Variants in SOX30 observed in about 807,000 individuals in gnomAD.
SOX30 encodes the protein transcription factor SOX-30.
A neutral mutation model predicts 58.6 loss-of-function variants in SOX30; 17 were observed. The observed-to-expected ratio is 0.29, with a 90% CI of 0.20 to 0.44. The LOEUF (loss-of-function observed/expected upper bound fraction) is 0.44. Among genes scored for constraint, SOX30 ranks in the 20% least tolerant of loss-of-function variants. The pLI is 1.00. For missense variants in SOX30, 951 were observed against 965.8 expected, an observed-to-expected ratio of 0.98 and a Z score of 0.20; for synonymous variants, 421 against 400.2, an observed-to-expected ratio of 1.05 and a Z score of -0.62.
intron 2 of SOX30, among the ~76,000 whole-genome samples, chr5:157,661,155 T>G (rs1275532852): frequency 6.6e-6 from 1 of 152,230 alleles, no homozygotes; most frequent in Non-Finnish European, 1.5e-5. Context: ...TGGCTGGAAC[T>G]TTTAGTCCAA....
intron 2 of SOX30, among the ~76,000 whole-genome samples, chr5:157,659,354 G>A (rs549913282): frequency 1.9e-4 from 29 of 152,248 alleles, no homozygotes; most frequent in East Asian, 1.7e-3. Flanking sequence ...ATCCTGTAAC[G>A]TCTTTCTGGT....
chr5:157,637,043 G>A (rs1005269903), intron 4 of SOX30, among the ~76,000 whole-genome samples: 2 of 146,738 alleles, frequency 1.4e-5, no homozygotes, highest in Non-Finnish European at 3.0e-5. Flanking sequence ...TGAGGCAGGA[G>A]AATCGCTTGA....
intron 4 of SOX30, among the ~76,000 whole-genome samples, chr5:157,634,756 T>C (rs890658112): frequency 6.6e-6 from 1 of 152,152 alleles, no homozygotes; most frequent in African/African-American, 2.4e-5. Flanking sequence ...CAAGCGATTC[T>C]CCTGCCTCAA....
upstream of SOX30, among the ~76,000 whole-genome samples, chr5:157,656,958 A>C (rs1352490316): frequency 1.6e-4 from 24 of 152,234 alleles, no homozygotes; most frequent in Admixed American, 1.6e-3. Context: ...AAAACCTGCT[A>C]TGATTTGCTC....
At chr5:157,640,500 C>T (rs934272617) in intron 3 of SOX30, among the ~76,000 whole-genome samples, 23 of 152,208 alleles carry the variant, frequency 1.5e-4, no homozygotes, top group African/African-American at 5.1e-4. Context: ...TCCATACATG[C>T]GCACTGACCA....
At chr5:157,667,418 G>A (rs968061846) in intron 2 of SOX30, among the ~76,000 whole-genome samples, 1 of 152,062 alleles carries the variant, frequency 6.6e-6, no homozygotes, top group African/African-American at 2.4e-5. Flanking sequence ...TACTGCTTTG[G>A]AGTACTTGGA....
chr5:157,652,101 A>C lies in SOX30; in HGVS notation c.-23T>G, dbSNP rs183997314. ...CATGGGGGAGGGGGACGCCCCGGCCAGGATTGTGAGCTCAGCCGTTTGTTG... is the reference window on the plus strand; with the variant it reads ...CATGGGGGAGGGGGACGCCCCGGCCCGGATTGTGAGCTCAGCCGTTTGTTG... On this transcript the variant is annotated 5_prime_UTR_variant, in exon 1 of 5. Coordinates refer to ENST00000265007, the MANE Select transcript of SOX30 (RefSeq NM_178424.2). The C allele has an allele frequency of 4.3e-6, 6 of 1,393,892 alleles. No individual in the cohort carries two copies. The highest frequency in any genetic ancestry group is 5.7e-5 in the East Asian group (2 of 35,328). 86.3% of individuals were successfully genotyped at this position (1,393,892 alleles called of 1,614,324 possible).
At chr5:157,662,322 A>G (rs1330710628) in intron 2 of SOX30, among the ~76,000 whole-genome samples, 1 of 151,610 alleles carries the variant, frequency 6.6e-6, no homozygotes, top group Non-Finnish European at 1.5e-5. Flanking sequence ...AATTTTCTCT[A>G]TTGTTTTGCT....
upstream of SOX30, among the ~76,000 whole-genome samples, chr5:157,655,279 G>C (rs1380458112): frequency 1.3e-5 from 2 of 152,288 alleles, no homozygotes; most frequent in East Asian, 3.9e-4. Flanking sequence ...ATACTTAGGA[G>C]ACTCCTGACT....
chr5:157,648,625 A>T, intron 2 of SOX30, 32 bp downstream of exon 2: 1 of 1,587,310 alleles, frequency 6.3e-7, no homozygotes, highest in African/African-American at 1.4e-5. Flanking sequence ...ATTCATTTAA[A>T]AGAAGTAAGA....
intron 3 of SOX30, among the ~76,000 whole-genome samples, chr5:157,641,727 G>A (rs1759067822): frequency 6.6e-6 from 1 of 152,130 alleles, no homozygotes; most frequent in Non-Finnish European, 1.5e-5. Flanking sequence ...TGACAGCAGA[G>A]ACTACAAAAA....
intron 4 of SOX30, among the ~76,000 whole-genome samples, chr5:157,633,843 A>G (rs1208707099): frequency 6.6e-6 from 1 of 152,196 alleles, no homozygotes; most frequent in East Asian, 1.9e-4. Flanking sequence ...TTGTCTTCAT[A>G]TCTTTTCTTT....
At position 157,659,223 on chromosome 5, in the gene SOX30, T is replaced by G. The variant is rs62387675; in HGVS notation, c.52+8575A>C. Among the ~76,000 whole-genome samples, 956 of 152,370 alleles carry G rather than the reference T, an allele frequency of 6.3e-3. 4 individuals are homozygous for G. The highest frequency in any genetic ancestry group is 0.014 in the Middle Eastern group (4 of 294). ...CTTTACTCTGTGGACTCATCCTGAA[T>G]TCTTTCTTGTGTGAGATCCAAGAAC... On this transcript the variant is annotated intron_variant, in intron 2 of 5. Coordinates refer to the SOX30 transcript ENST00000519442.
intron 3 of SOX30, among the ~76,000 whole-genome samples, chr5:157,641,849 G>A (rs1264318977): frequency 6.6e-6 from 1 of 152,126 alleles, no homozygotes; most frequent in East Asian, 1.9e-4. Context: ...AATTTACTCA[G>A]AAGATATCTG....
chr5:157,638,463 A>G lies in SOX30; in HGVS notation c.1647T>C (p.Ser549=), dbSNP rs765367264. The G allele has an allele frequency of 6.2e-7, 1 of 1,614,198 alleles. No individual in the cohort carries two copies. The highest frequency in any genetic ancestry group is 1.1e-5 in the South Asian group (1 of 91,082). The stretch of plus-strand genomic sequence containing the variant: ...CAAATCTGGCATGGGCAGTACTTGC[A>G]CTACTTGAAATCCTGTTGGCGCTCT... ...SLESANRISS[S]ASTAHARFAT... The change falls in exon 4 of 5, where the codon AGT becomes AGC. Residue 549 remains serine (S), a synonymous_variant. Coordinates refer to ENST00000265007, the MANE Select transcript of SOX30 (RefSeq NM_178424.2).
At position 157,638,541 on chromosome 5, in the gene SOX30, C is replaced by A; in HGVS notation, c.1569G>T (p.Gln523His). The A allele has an allele frequency of 1.2e-6, 2 of 1,614,156 alleles. No individual in the cohort carries two copies. Among genetic ancestry groups the A allele is most frequent in the South Asian group, 2.2e-5 (2 of 91,086 alleles). The change falls in exon 4 of 5, where the codon CAG (glutamine) becomes CAT (histidine). Residue 523 changes from glutamine (Q) to histidine (H), a missense_variant. By Grantham distance (24) the Gln-to-His change is conservative. This residue lies in a region of SOX30 where 381 missense variants were observed against 390.0 expected (regional missense o/e 0.98). Coordinates refer to ENST00000265007, the MANE Select transcript of SOX30 (RefSeq NM_178424.2). ...CAGTGTGAGTGGCTTCAGAATGCAG[C>A]TGATGAGTGTCTGTTTGGGAAGGCC... ...FTGPSQTDTHQLHSEATHTVK... is the reference protein window; with the variant it reads ...FTGPSQTDTHHLHSEATHTVK...
At chr5:157,646,948 C>T (rs1362367807) in intron 2 of SOX30, 132 bp from the exon 3 acceptor site, 36 of 670,150 alleles carry the variant, frequency 5.4e-5, no homozygotes, top group African/African-American at 1.1e-4. Context: ...TTTCCAGCTC[C>T]GGGATATTAT....
Position 157,648,802 on chromosome 5 carries a change from T to C in SOX30, c.1062A>G (p.Ala354=). The part of the protein sequence containing the change: ...FMVWARIHRP[A]LAKANPAANN... Reference sequence around the variant, plus strand: ...TGGCTGCTGGGTTAGCTTTGGCTAGTGCTGGTCGGTGGATCCTTGCCCAAA... The same window carrying C: ...TGGCTGCTGGGTTAGCTTTGGCTAGCGCTGGTCGGTGGATCCTTGCCCAAA... The change falls in exon 2 of 5, where the codon GCA becomes GCG. Residue 354 remains alanine, a synonymous_variant. Coordinates refer to ENST00000265007, the MANE Select transcript of SOX30 (RefSeq NM_178424.2). 2 of 1,613,226 alleles carry C rather than the reference T, an allele frequency of 1.2e-6. No homozygotes were observed. Among genetic ancestry groups the C allele is most frequent in the Non-Finnish European group, 1.7e-6 (2 of 1,179,954 alleles).
chr5:157,653,908 T>C (rs1759419812), upstream of SOX30, among the ~76,000 whole-genome samples: 1 of 152,210 alleles, frequency 6.6e-6, no homozygotes, highest in Admixed American at 6.5e-5. Flanking sequence ...GGCTCACTCC[T>C]GTAATCCCAG....
Sources: allele counts gnomAD v4.1 joint callset (sites outside exome capture counted in the v4.1 genomes callset), GRCh38; gene constraint gnomAD v4.1.1; regional missense constraint gnomAD v4.1.1; transcripts MANE v1.5; gene names NCBI Gene and HGNC (gene_info 2026-07-23, HGNC 2026-07-21).